The following OTOG variants were observed in gnomAD, a reference collection of about 807,000 sequenced individuals.
The protein encoded by OTOG is otogelin.
Under a neutral mutation model 313.8 loss-of-function variants are expected in OTOG, and 296 were observed. The ratio of observed to expected loss-of-function variants is 0.94; its 90% CI spans 0.86 to 1.04. The LOEUF is 1.04. Ranked by LOEUF, OTOG falls within the 50% of genes least tolerant of loss-of-function variation. The pLI is 0.00. For missense variants in OTOG, 3,948 were observed against 3,840.1 expected (o/e 1.03, Z -0.74); for synonymous variants, 1,533 against 1,554.9 (o/e 0.99, Z 0.33).
intron 30 of OTOG, 46 bp from the exon 31 acceptor site, chr11:17,599,605 TGGCTCTGTCTGTCTGTTCCA>T (rs978810822): frequency 1.3e-6 from 2 of 1,526,230 alleles, no homozygotes; most frequent in African/African-American, 1.4e-5. Context: ...CTGGGAGCCT[TGGCTCTGTCTGTCTGTTCCA>T]GGCTCTGGGC....
At chr11:17,587,585 T>C (rs1326654170) in intron 24 of OTOG, among the ~76,000 whole-genome samples, 1 of 152,166 alleles carries the variant, frequency 6.6e-6, no homozygotes, top group Admixed American at 6.5e-5. Flanking sequence ...GAAACCACCC[T>C]GTTTCTCTGG....
intron 52 of OTOG, 33 bp from the exon 53 acceptor site, chr11:17,642,094 A>T (rs1252306090): frequency 1.0e-5 from 16 of 1,525,054 alleles, no homozygotes; most frequent in Admixed American, 1.0e-4. Context: ...CCATCTGGCC[A>T]CAGCTCCCAT....
Position 17,574,826 on chromosome 11 carries a change from T to C in OTOG, c.2400T>C (p.Asp800=). The part of the protein sequence containing the change: ...SPEACGVDGG[D]DLSRDECVEG... Reference sequence around the variant, plus strand: ...AGGCCTGTGGGGTTGATGGTGGCGATGACCTGAGCAGAGACGAGTGTGTGG... The same window carrying C: ...AGGCCTGTGGGGTTGATGGTGGCGACGACCTGAGCAGAGACGAGTGTGTGG... The change falls in exon 20 of 56, where the codon GAT becomes GAC. Residue 800 remains aspartate (D), a synonymous_variant. Coordinates refer to ENST00000399397, the MANE Select transcript of OTOG (RefSeq NM_001292063.2). 3.2e-6 allele frequency: 5 copies of C among 1,550,298 alleles called. No homozygotes were observed. The South Asian group carries it at 3.6e-5, about 11-fold the overall frequency.
chr11:17,616,902 A>C (rs1051313183), intron 39 of OTOG, among the ~76,000 whole-genome samples: 1 of 152,216 alleles, frequency 6.6e-6, no homozygotes, highest in African/African-American at 2.4e-5. Flanking sequence ...ATGCTGAATA[A>C]GAAAGGTTGA....
chr11:17,561,853 C>A, intron 15 of OTOG, 46 bp downstream of exon 15: 1 of 1,546,438 alleles, frequency 6.5e-7, no homozygotes, highest in Non-Finnish European at 8.7e-7. Context: ...GCTACTCCTG[C>A]CTACTGCCCC....
In OTOG at chr11:17,613,048, A is replaced by T. The variant is rs7105215; in HGVS notation, c.6438+283A>T. 9.3e-3 allele frequency among the ~76,000 whole-genome samples: 1,415 copies of T among 152,212 alleles called. 21 individuals carry two copies. The highest frequency in any genetic ancestry group is 0.033 in the African/African-American group (1,351 of 41,538). The stretch of plus-strand genomic sequence containing the variant: ...GAGGGATGGCACAGTAGTGCAGAGG[A>T]GCTGGGATGCCACTGCAATGGTGTG... On this transcript the variant is annotated intron_variant, in intron 38 of 55. Coordinates refer to ENST00000399397, the MANE Select transcript of OTOG (RefSeq NM_001292063.2).
At chr11:17,607,807 C>T (rs1853425815) in intron 33 of OTOG, among the ~76,000 whole-genome samples, 1 of 152,184 alleles carries the variant, frequency 6.6e-6, no homozygotes, top group Non-Finnish European at 1.5e-5. Context: ...TGCCTCCCCT[C>T]ACCCTGCAAA....
chr11:17,612,712 A>G lies in OTOG; in HGVS notation c.6385A>G (p.Ser2129Gly). 1 of 1,550,618 alleles carries G rather than the reference A, an allele frequency of 6.4e-7. No individual in the cohort carries two copies. Among genetic ancestry groups the G allele is most frequent in the Admixed American group, 2.0e-5 (1 of 51,012 alleles). The change falls in exon 38 of 56, where the codon AGC (serine) becomes GGC (glycine). Residue 2129 changes from serine (S) to glycine (G), a missense_variant. Coordinates refer to ENST00000399397, the MANE Select transcript of OTOG (RefSeq NM_001292063.2). The stretch of plus-strand genomic sequence containing the variant: ...GGAGGCCATCTACATCCTCAGCCAG[A>G]GCCCAGATGAAATGCTCACCGTCCA... ...FKEAIYILSQ[S>G]PDEMLTVHVL...
chr11:17,640,695 G>A (rs1416589953), intron 49 of OTOG, 50 bp from the exon 50 acceptor site: 3 of 1,531,962 alleles, frequency 2.0e-6, no homozygotes, highest in African/African-American at 1.4e-5. Context: ...TGCTCCTGAG[G>A]GCCAGGCTGG....
At chr11:17,556,922 G>A (rs557690689) in intron 7 of OTOG, among the ~76,000 whole-genome samples, 196 bp from the exon 8 acceptor site, 11 of 152,274 alleles carry the variant, frequency 7.2e-5, no homozygotes, top group African/African-American at 1.2e-4. Flanking sequence ...GGAAATTGCC[G>A]TCTTAAAAAA....
rs142934929 is a variant in OTOG, at chr11:17,575,251, A to C, written c.2486+339A>C. 6.6e-4 allele frequency among the ~76,000 whole-genome samples: 100 copies of C among 152,382 alleles called. No homozygotes were observed. The South Asian group carries it at 0.015, about 23-fold the overall frequency. On this transcript the variant is annotated intron_variant, in intron 20 of 55. Coordinates refer to ENST00000399397, the MANE Select transcript of OTOG (RefSeq NM_001292063.2). The stretch of plus-strand genomic sequence containing the variant: ...AGACATTTCTAGGGCTTGGGAATTC[A>C]GCAATGAACAAAGCAGAGTTTAGCC...
intron 23 of OTOG, among the ~76,000 whole-genome samples, chr11:17,581,348 G>A (rs1269302896): frequency 5.9e-5 from 9 of 152,134 alleles, no homozygotes; most frequent in African/African-American, 2.2e-4. Context: ...CAGAGACTTT[G>A]GCCTTGTAGG....
intron 15 of OTOG, among the ~76,000 whole-genome samples, chr11:17,563,686 C>G (rs1366689192): frequency 6.9e-6 from 1 of 145,296 alleles, no homozygotes; most frequent in East Asian, 1.9e-4. Flanking sequence ...CAGAATCCCC[C>G]CCTTTTTTTT....
chr11:17,634,054 C>G lies in OTOG; in HGVS notation c.7268-15C>G, dbSNP rs1169968470. 6.5e-7 allele frequency: 1 copy of G among 1,539,014 alleles called. No individual in the cohort carries two copies. Among genetic ancestry groups the G allele is most frequent in the Middle Eastern group, 2.3e-4 (1 of 4,442 alleles). On this transcript the variant is annotated splice_polypyrimidine_tract_variant and intron_variant, in intron 43 of 55. Transcript: ENST00000399397. ...CCTTCCTCAGTCCCTCGCACCCTGCCATTCCCCTCTGCAGCCTGCACTGAC... is the reference window on the plus strand; with the variant it reads ...CCTTCCTCAGTCCCTCGCACCCTGCGATTCCCCTCTGCAGCCTGCACTGAC...
intron 4 of OTOG, among the ~76,000 whole-genome samples, chr11:17,552,615 T>TGTGTCCCTCACCTGTA (rs1454853324): frequency 1.3e-5 from 2 of 150,930 alleles, no homozygotes; most frequent in African/African-American, 4.9e-5. Flanking sequence ...CCACCTGTCC[T>TGTGTCCCTCACCTGTA]CTCACATCAT....
In OTOG at chr11:17,608,345, T is replaced by A; in HGVS notation, c.4206T>A (p.Asp1402Glu). Residue 1402 changes from aspartate to glutamate, a missense_variant, in exon 34 of 56, where the codon GAT (aspartate) becomes GAA (glutamate). Transcript: ENST00000399397. ...ACCCCATCTGCGAGTGGCGCTACGA[T>A]GCCTGTGCCAGCCCCTGCTTCCAAA... ...AAYPICEWRY[D>E]ACASPCFQTC... 1 of 1,547,810 alleles carries A rather than the reference T, an allele frequency of 6.5e-7. No individual in the cohort carries two copies. Among genetic ancestry groups the A allele is most frequent in the Non-Finnish European group, 8.7e-7 (1 of 1,145,956 alleles).
intron 44 of OTOG, 48 bp downstream of exon 44, chr11:17,634,329 A>C (rs2133708169): frequency 6.5e-7 from 1 of 1,531,238 alleles, no homozygotes; most frequent in Non-Finnish European, 8.8e-7. Flanking sequence ...AAAACAGTTA[A>C]AAGGTTCCAG....
chr11:17,598,549 T>G (rs1322251105), intron 30 of OTOG, among the ~76,000 whole-genome samples: 1 of 152,224 alleles, frequency 6.6e-6, no homozygotes, highest in African/African-American at 2.4e-5. Flanking sequence ...TGCCTTACCC[T>G]GGTCCAGGCC....
At chr11:17,583,076 C>T (rs1476796452) in intron 23 of OTOG, among the ~76,000 whole-genome samples, 3 of 151,534 alleles carry the variant, frequency 2.0e-5, no homozygotes, top group Non-Finnish European at 1.5e-5. Flanking sequence ...AAGATATTCT[C>T]CTATGTTTTT....
Sources: gnomAD v4.1 joint callset for allele counts (sites outside exome capture counted in the v4.1 genomes callset) on GRCh38, gnomAD v4.1.1 for gene constraint, MANE v1.5 for transcripts, NCBI Gene and HGNC (gene_info 2026-07-23, HGNC 2026-07-21) for gene names.